Variants in FRMD6 observed in about 807,000 individuals in gnomAD.
FRMD6 encodes the protein FERM domain-containing protein 6.
In FRMD6, 37 loss-of-function variants were observed where a neutral mutation model predicts 73.2. The observed-to-expected ratio is 0.51, with a 90% CI of 0.39 to 0.66. The LOEUF (loss-of-function observed/expected upper bound fraction) is 0.66, where lower values mean the gene tolerates loss of function less well. Ranked by LOEUF, FRMD6 falls within the 30% of genes least tolerant of loss-of-function variation. The pLI, the probability that FRMD6 is intolerant of heterozygous loss-of-function variation, is 0.00. For synonymous variants in FRMD6, 273 were observed against 282.2 expected (o/e 0.97, Z 0.33); for missense variants, 714 against 780.5 (o/e 0.91, Z 1.02).
At chr14:51,513,216 C>T (rs1884417640) in intron 1 of FRMD6, among the ~76,000 whole-genome samples, 1 of 152,158 alleles carries the variant, frequency 6.6e-6, no homozygotes, top group South Asian at 2.1e-4. Context: ...TGAACTGGTA[C>T]AGTCCCCTAC....
intron 13 of FRMD6, among the ~76,000 whole-genome samples, chr14:51,726,730 G>T (rs1566603460): frequency 6.6e-6 from 1 of 152,188 alleles, no homozygotes; most frequent in Non-Finnish European, 1.5e-5. Flanking sequence ...TGCCTTCCTT[G>T]AGAGTTTGTG....
the FRMD6 span, among the ~76,000 whole-genome samples, chr14:51,413,129 T>C: frequency 6.6e-6 from 1 of 151,810 alleles, no homozygotes; most frequent in South Asian, 2.1e-4. Context: ...TAGCAGGGAC[T>C]ACAGGCACAC....
upstream of FRMD6, among the ~76,000 whole-genome samples, chr14:51,486,936 G>GTTT (rs5808614): frequency 2.0e-5 from 3 of 146,414 alleles, no homozygotes. Flanking sequence ...GTATAAAACC[G>GTTT]TTTTTTTTTT....
At chr14:51,458,259 C>T in the FRMD6 span, among the ~76,000 whole-genome samples, 1 of 152,144 alleles carries the variant, frequency 6.6e-6, no homozygotes, top group African/African-American at 2.4e-5. Context: ...GCCCCTTTCC[C>T]ATCTCCTCTC....
At chr14:51,520,649 G>C (rs569645249) in intron 1 of FRMD6, among the ~76,000 whole-genome samples, 79 of 152,158 alleles carry the variant, frequency 5.2e-4, no homozygotes, top group Non-Finnish European at 9.3e-4. Flanking sequence ...ACCTCTTCCA[G>C]CACTGTAGAA....
At chr14:51,653,967 T>G (rs913830085) in intron 1 of FRMD6, among the ~76,000 whole-genome samples, 20 of 152,096 alleles carry the variant, frequency 1.3e-4, no homozygotes, top group Admixed American at 1.0e-3. Flanking sequence ...GAACTAATTT[T>G]CCCCCCTTTG....
intron 1 of FRMD6, among the ~76,000 whole-genome samples, chr14:51,542,722 T>C (rs1886267103): frequency 6.6e-6 from 1 of 152,096 alleles, no homozygotes; most frequent in Admixed American, 6.6e-5. Flanking sequence ...TGTACCACTT[T>C]ACGTTTCCAC....
At chr14:51,525,777 A>G (rs1885219852) in intron 1 of FRMD6, among the ~76,000 whole-genome samples, 1 of 152,134 alleles carries the variant, frequency 6.6e-6, no homozygotes, top group East Asian at 1.9e-4. Flanking sequence ...TTACAACTGG[A>G]AAGTTGTAAA....
chr14:51,681,878 T>A (rs1218812673), intron 1 of FRMD6, among the ~76,000 whole-genome samples: 2 of 152,184 alleles, frequency 1.3e-5, no homozygotes, highest in African/African-American at 4.8e-5. Flanking sequence ...AAATTACATA[T>A]CAACCATGCT....
At chr14:51,663,005 C>T (rs1893332406) in intron 1 of FRMD6, among the ~76,000 whole-genome samples, 1 of 151,862 alleles carries the variant, frequency 6.6e-6, no homozygotes, top group Non-Finnish European at 1.5e-5. Flanking sequence ...ATGCAGCAAA[C>T]AATCATATGA....
intron 1 of FRMD6, among the ~76,000 whole-genome samples, chr14:51,663,706 A>G (rs892005325): frequency 6.6e-6 from 1 of 152,202 alleles, no homozygotes; most frequent in African/African-American, 2.4e-5. Flanking sequence ...ACACAAGTTT[A>G]TCTATATAAC....
rs200052672 is a variant in FRMD6 at position 51,507,083 on chromosome 14, GACACACACACACAC to G, written c.-210+17704_-210+17717del. Among the ~76,000 whole-genome samples, 884 of 139,084 alleles carry G rather than the reference GACACACACACACAC, an allele frequency of 6.4e-3. 12 individuals are homozygous for G. The highest frequency in any genetic ancestry group is 0.018 in the African/African-American group (674 of 38,314). 91.2% of individuals were successfully genotyped at this position (139,084 alleles called of 152,430 possible). The stretch of plus-strand genomic sequence containing the variant: ...TGAAATGATTAGAATTGGTTGTATA[GACACACACACACAC>G]ACACACACACACACACACACACACA... On this transcript the variant is annotated intron_variant, in intron 1 of 14. Transcript: ENST00000356218.
chr14:51,527,513 C>T (rs1305507040), intron 1 of FRMD6, among the ~76,000 whole-genome samples: 1 of 152,180 alleles, frequency 6.6e-6, no homozygotes, highest in East Asian at 1.9e-4. Flanking sequence ...TAGGCAGACC[C>T]ATAAGGAAAA....
At chr14:51,569,126 G>C (rs960704025) in intron 1 of FRMD6, among the ~76,000 whole-genome samples, 1 of 152,128 alleles carries the variant, frequency 6.6e-6, no homozygotes, top group Non-Finnish European at 1.5e-5. Flanking sequence ...GATTACAGGC[G>C]TGAGCCACTG....
chr14:51,665,864 C>A (rs1029743828), intron 1 of FRMD6, among the ~76,000 whole-genome samples: 3 of 152,220 alleles, frequency 2.0e-5, no homozygotes, highest in African/African-American at 7.2e-5. Context: ...CACAAGCCCT[C>A]TTCTCGTCTG....
chr14:51,405,427 G>C, the FRMD6 span, among the ~76,000 whole-genome samples: 2 of 151,896 alleles, frequency 1.3e-5, no homozygotes, highest in Non-Finnish European at 2.9e-5. Context: ...TCCAGCATCT[G>C]TTATTCTCCA....
At chr14:51,434,919 C>G in the FRMD6 span, among the ~76,000 whole-genome samples, 1 of 152,126 alleles carries the variant, frequency 6.6e-6, no homozygotes, top group Admixed American at 6.5e-5. Context: ...GAGAAATTAT[C>G]AGATCAAAGT....
the FRMD6 span, among the ~76,000 whole-genome samples, chr14:51,461,199 G>A: frequency 9.9e-5 from 15 of 152,162 alleles, no homozygotes; most frequent in South Asian, 1.0e-3. Flanking sequence ...GAATTTCTGT[G>A]AGAAATTTCT....
intron 1 of FRMD6, among the ~76,000 whole-genome samples, chr14:51,528,504 C>T (rs1885389704): frequency 6.6e-6 from 1 of 152,074 alleles, no homozygotes; most frequent in African/African-American, 2.4e-5. Flanking sequence ...CCTTGCATTC[C>T]AGAATTTTGG....
Sources: allele counts gnomAD v4.1 joint callset (sites outside exome capture counted in the v4.1 genomes callset), GRCh38; gene constraint gnomAD v4.1.1; transcripts MANE v1.5; gene names NCBI Gene and HGNC (gene_info 2026-07-23, HGNC 2026-07-21).